RYR2: variants seen among roughly 807,000 people sequenced by gnomAD.
RYR2 encodes the protein ryanodine receptor 2, also known as cardiac muscle ryanodine receptor-calcium release channel.
Under a neutral mutation model 601.1 loss-of-function variants are expected in RYR2, and 227 were observed. The ratio of observed to expected loss-of-function variants is 0.38; its 90% CI spans 0.34 to 0.42. RYR2 has a LOEUF of 0.42. Among genes scored for constraint, RYR2 ranks in the 10% least tolerant of loss-of-function variants. The probability of loss-of-function intolerance (pLI) is 1.00; values close to 1 mark genes in which losing one functional copy is unlikely to be tolerated. For synonymous variants in RYR2, 2,223 were observed against 2,175.1 expected (o/e 1.02, Z -0.61); for missense variants, 4,646 against 6,156.5 (o/e 0.75, Z 8.21).
At chr1:237,221,452 A>T (rs1267858732) in intron 1 of RYR2, among the ~76,000 whole-genome samples, 2 of 152,226 alleles carry the variant, frequency 1.3e-5, no homozygotes, top group Admixed American at 1.3e-4. Flanking sequence ...TTTGGTCACA[A>T]GCATGACATT....
intron 12 of RYR2, among the ~76,000 whole-genome samples, chr1:237,439,641 C>T (rs1707718125): frequency 1.3e-5 from 2 of 149,304 alleles, no homozygotes; most frequent in Admixed American, 1.3e-4. Flanking sequence ...AAGACTCCAT[C>T]TCAAAAAAAA....
intron 1 of RYR2, among the ~76,000 whole-genome samples, chr1:237,108,921 C>T (rs1390370948): frequency 6.6e-6 from 1 of 152,184 alleles, no homozygotes; most frequent in Non-Finnish European, 1.5e-5. Context: ...AGACAAGGAA[C>T]TGCTTCACTA....
intron 1 of RYR2, among the ~76,000 whole-genome samples, chr1:237,065,269 CTTTTTTTTTTTTTT>C (rs766039441): frequency 1.3e-5 from 1 of 77,492 alleles, no homozygotes; most frequent in Non-Finnish European, 2.3e-5. Context: ...GTGTGCTATC[CTTTTTTTTTTTTTT>C]TTTTTTTTTT....
chr1:237,584,649 G>GTTTTTTGTTTTTTT (rs763528934), intron 29 of RYR2, among the ~76,000 whole-genome samples: 594 of 72,124 alleles, frequency 8.2e-3, no homozygotes, highest in Middle Eastern at 0.015. Flanking sequence ...CTCACCACCT[G>GTTTTTTGTTTTTTT]TTTTTTTTTT....
At chr1:237,465,465 G>A (rs1659970199) in intron 16 of RYR2, among the ~76,000 whole-genome samples, 1 of 152,138 alleles carries the variant, frequency 6.6e-6, no homozygotes, top group African/African-American at 2.4e-5. Context: ...AATCAGGGAA[G>A]TTTCCTTAGT....
chr1:237,264,790 G>A (rs912176475), intron 1 of RYR2, among the ~76,000 whole-genome samples: 3 of 151,712 alleles, frequency 2.0e-5, no homozygotes, highest in Admixed American at 6.6e-5. Flanking sequence ...CCATCTCCCG[G>A]GTTCAAGCAA....
chr1:237,387,023 A>C lies in RYR2; in HGVS notation c.577-258A>C, dbSNP rs10925398. The stretch of plus-strand genomic sequence containing the variant: ...ATAGTATCTTGTTACAAATAAACTT[A>C]TTTAGTGTATTCATTTATGCATATT... On this transcript the variant is annotated intron_variant, in intron 8 of 104. Transcript: ENST00000366574. 0.31 allele frequency among the ~76,000 whole-genome samples: 46,753 copies of C among 152,184 alleles called. 8,542 individuals are homozygous for C. The highest frequency in any genetic ancestry group is 0.46 in the Middle Eastern group (134 of 294).
At position 237,450,614 on chromosome 1, in the gene RYR2, A is replaced by G. The variant is rs537997457; in HGVS notation, c.1293-3777A>G. Among the ~76,000 whole-genome samples, 210 of 152,204 alleles carry G rather than the reference A, an allele frequency of 1.4e-3. 2 individuals carry two copies. Among genetic ancestry groups the G allele is most frequent in the Middle Eastern group, 3.4e-3 (1 of 294 alleles). On this transcript the variant is annotated intron_variant, in intron 14 of 104. Coordinates refer to ENST00000366574, the MANE Select transcript of RYR2 (RefSeq NM_001035.3). Reference sequence around the variant, plus strand: ...TTTGTCTTGGCCAAATGTAACTCACATCTAGTTGACATGTGCAATGCTTAT... The same window carrying G: ...TTTGTCTTGGCCAAATGTAACTCACGTCTAGTTGACATGTGCAATGCTTAT...
At chr1:237,247,456 C>A (rs974620390) in intron 1 of RYR2, among the ~76,000 whole-genome samples, 2 of 152,030 alleles carry the variant, frequency 1.3e-5, no homozygotes, top group Non-Finnish European at 2.9e-5. Context: ...AACTATAGGG[C>A]GAAGAAGGGA....
rs377632815 is a variant in RYR2 at position 237,245,832 on chromosome 1, A to C, written c.49-24665A>C. The stretch of plus-strand genomic sequence containing the variant: ...AGTCTCGTTCTGTTGCCCAGGCTGG[A>C]GTGTGGTGGCACAATCTCGGCTCAT... On this transcript the variant is annotated intron_variant, in intron 1 of 104. Coordinates refer to ENST00000366574, the MANE Select transcript of RYR2 (RefSeq NM_001035.3). 7.2e-5 allele frequency among the ~76,000 whole-genome samples: 11 copies of C among 152,118 alleles called. No homozygotes were observed. The South Asian group carries it at 2.1e-3, about 29-fold the overall frequency.
intron 1 of RYR2, among the ~76,000 whole-genome samples, chr1:237,211,512 G>A (rs1305932136): frequency 6.6e-6 from 1 of 152,158 alleles, no homozygotes; most frequent in East Asian, 1.9e-4. Context: ...CAGCTAGTAC[G>A]TGGTACAGCT....
At chr1:237,636,835 G>A (rs770188044) in intron 44 of RYR2, among the ~76,000 whole-genome samples, 2 of 151,812 alleles carry the variant, frequency 1.3e-5, no homozygotes, top group East Asian at 1.9e-4. Context: ...ACCCATATAC[G>A]GTGAAATGTC....
At chr1:237,338,919 T>A (rs1391733006) in intron 3 of RYR2, among the ~76,000 whole-genome samples, 1 of 152,136 alleles carries the variant, frequency 6.6e-6, no homozygotes, top group Non-Finnish European at 1.5e-5. Context: ...ATGATATAAA[T>A]TGTGTTCTGT....
chr1:237,202,094 T>A (rs1438540975), intron 1 of RYR2, among the ~76,000 whole-genome samples: 1 of 152,186 alleles, frequency 6.6e-6, no homozygotes, highest in East Asian at 1.9e-4. Context: ...AAGATGCTAT[T>A]TGTTACTATG....
chr1:237,548,524 A>G lies in RYR2; in HGVS notation c.3000A>G (p.Ala1000=). 1 of 1,614,046 alleles carries G rather than the reference A, an allele frequency of 6.2e-7. No individual in the cohort carries two copies. The highest frequency in any genetic ancestry group is 1.1e-5 in the South Asian group (1 of 91,076). Residue 1000 remains alanine, a synonymous_variant, in exon 26 of 105, where the codon GCA becomes GCG. Transcript: ENST00000366574. ...PSQEAMVDKL[A]ENAHNVWARD... ...AAGAAGCAATGGTGGACAAGTTGGCAGAAAATGCACATAATGTGTGGGCGC... is the reference window on the plus strand; with the variant it reads ...AAGAAGCAATGGTGGACAAGTTGGCGGAAAATGCACATAATGTGTGGGCGC...
chr1:237,621,013 TG>T (rs1038540094), intron 38 of RYR2, among the ~76,000 whole-genome samples: 2 of 151,986 alleles, frequency 1.3e-5, no homozygotes, highest in African/African-American at 4.8e-5. Context: ...GAACATATCC[TG>T]GGCCATAAAA....
chr1:237,693,612 T>C (rs1483584039), intron 63 of RYR2, among the ~76,000 whole-genome samples: 1 of 152,202 alleles, frequency 6.6e-6, no homozygotes, highest in Admixed American at 6.5e-5. Context: ...ACAACTCCAA[T>C]ATTAGCTACA....
intron 96 of RYR2, among the ~76,000 whole-genome samples, chr1:237,796,967 T>G (rs1558436856): frequency 6.6e-6 from 1 of 151,994 alleles, no homozygotes; most frequent in Non-Finnish European, 1.5e-5. Context: ...GTATATTTAG[T>G]AAAGACAAGG....
At chr1:237,810,780 T>C (rs1661168786) in intron 100 of RYR2, among the ~76,000 whole-genome samples, 2 of 152,078 alleles carry the variant, frequency 1.3e-5, no homozygotes, top group Admixed American at 6.6e-5. Context: ...GAGAAATTCA[T>C]GTATACAGAT....
Sources: allele counts gnomAD v4.1 joint callset (sites outside exome capture counted in the v4.1 genomes callset), GRCh38; gene constraint gnomAD v4.1.1; transcripts MANE v1.5; gene names NCBI Gene and HGNC (gene_info 2026-07-23, HGNC 2026-07-21).